SYNM: variants seen among roughly 807,000 people sequenced by gnomAD.
SYNM encodes synemin.
In SYNM, 95 loss-of-function variants were observed where a neutral mutation model predicts 104.0. That is an observed-to-expected ratio of 0.91 (90% CI 0.77 to 1.08). SYNM has a LOEUF of 1.08. Among genes scored for constraint, SYNM ranks in the 50% least tolerant of loss-of-function variants. SYNM has a pLI of 0.00. For missense variants in SYNM, 2,150 were observed against 2,052.2 expected (o/e 1.05, Z -0.92); for synonymous variants, 918 against 869.0 (o/e 1.06, Z -0.99).
At chr15:99,106,772 C>T (rs1269520076) in intron 1 of SYNM, among the ~76,000 whole-genome samples, 1 of 152,222 alleles carries the variant, frequency 6.6e-6, no homozygotes, top group Non-Finnish European at 1.5e-5. Context: ...GTAAACTATG[C>T]CCAGTCCAGC....
chr15:99,134,543 TCG>T lies in SYNM; in HGVS notation c.*1487_*1488del, dbSNP rs2067545769. 1 of 152,186 alleles carries T rather than the reference TCG, an allele frequency of 6.6e-6. No individual in the cohort carries two copies. Among genetic ancestry groups the T allele is most frequent in the African/African-American group, 2.4e-5 (1 of 41,434 alleles). 9.4% of individuals were successfully genotyped at this position (152,186 alleles called of 1,614,324 possible). A position where few individuals can be genotyped will look rare whatever the true frequency, so the allele number is the denominator to read the frequency against. ...CTGTATTTCCAGTAACACAGCATCA[TCG>T]CACTGACTGTGGCGCACTGGGGAAT... On this transcript the variant is annotated 3_prime_UTR_variant, in exon 4 of 4. Coordinates refer to ENST00000336292, the MANE Select transcript of SYNM (RefSeq NM_145728.3).
At chr15:99,138,180 C>T (rs139435138), downstream of SYNM, 258 of 1,598,790 alleles carry the variant, frequency 1.6e-4, no homozygotes, top group African/African-American at 2.5e-3. Flanking sequence ...CCCCCCACAC[C>T]GTTCCCATCC....
At chr15:99,119,797 T>G (rs115197683) in intron 2 of SYNM, among the ~76,000 whole-genome samples, 20 of 152,378 alleles carry the variant, frequency 1.3e-4, no homozygotes, top group African/African-American at 3.8e-4. Context: ...CATTTTGTTA[T>G]GAGAATTTCC....
At chr15:99,122,862 T>C (rs1356947778) in intron 2 of SYNM, among the ~76,000 whole-genome samples, 1 of 152,076 alleles carries the variant, frequency 6.6e-6, no homozygotes, top group Non-Finnish European at 1.5e-5. Context: ...AAATAGAATA[T>C]ATAATTGAAA....
At chr15:99,115,754 G>A (rs952029256) in intron 2 of SYNM, among the ~76,000 whole-genome samples, 5 of 152,158 alleles carry the variant, frequency 3.3e-5, no homozygotes, top group African/African-American at 4.8e-5. Context: ...GAGCCACTGC[G>A]CCCGGCCCTG....
At chr15:99,138,376 C>T (rs1410582227), downstream of SYNM, among the ~76,000 whole-genome samples, 2 of 151,934 alleles carry the variant, frequency 1.3e-5, no homozygotes, top group African/African-American at 4.8e-5. Flanking sequence ...TGCAGTGGCC[C>T]CATCTCGGCT....
chr15:99,116,791 C>T (rs1187384941), intron 2 of SYNM, among the ~76,000 whole-genome samples: 1 of 143,858 alleles, frequency 7.0e-6, no homozygotes, highest in South Asian at 2.4e-4. Context: ...ATTCTCCTGC[C>T]TCAGCCTCCC....
At chr15:99,122,697 G>C (rs1257230363) in intron 2 of SYNM, among the ~76,000 whole-genome samples, 2 of 152,134 alleles carry the variant, frequency 1.3e-5, no homozygotes, top group African/African-American at 4.8e-5. Context: ...CAACTATTTG[G>C]GTGTGGTGGC....
At chr15:99,140,818 C>G in the SYNM span, 3 of 152,144 alleles carry the variant, frequency 2.0e-5, no homozygotes, top group African/African-American at 7.2e-5. Flanking sequence ...ACAAGCCACG[C>G]TGAGGAAAGA....
chr15:99,129,610 AAGCCGTC>A lies in SYNM; in HGVS notation c.1254_1260del (p.Ser420LysfsTer14). 6.2e-7 allele frequency: 1 copy of A among 1,613,934 alleles called. No homozygotes were observed. The highest frequency in any genetic ancestry group is 8.5e-7 in the Non-Finnish European group (1 of 1,179,884). On this transcript the variant is annotated frameshift_variant, in exon 4 of 4. Transcript: ENST00000336292. LOFTEE classifies it low-confidence loss of function (END_TRUNC). ...ACCCAGCAGGAAAACTCATACGGAA[AAGCCGTC>A]AGCAGTCAAACCAACGTCAGAACTT... is the stretch of plus-strand genomic sequence containing the variant.
Position 99,132,213 on chromosome 15 carries a change from G to A in SYNM, c.3853G>A (p.Asp1285Asn). 6.2e-7 allele frequency: 1 copy of A among 1,612,930 alleles called. No homozygotes were observed. Reference protein sequence around the residue: ...GQIQFTAPLSDKVELGVIGDS... With the variant: ...GQIQFTAPLSNKVELGVIGDS... ...AATCCAGTTCACAGCTCCACTTTCA[G>A]ACAAGGTGGAGTTGGGTGTCATAGG... Residue 1285 changes from aspartate (D) to asparagine (N), a missense_variant, in exon 4 of 4, where the codon GAC (aspartate) becomes AAC (asparagine). Asp to Asn is a conservative substitution (Grantham distance 23). Coordinates refer to ENST00000336292, the MANE Select transcript of SYNM (RefSeq NM_145728.3).
rs1555486305 is a variant in SYNM, at chr15:99,133,188, C to G, written c.*130C>G. On this transcript the variant is annotated 3_prime_UTR_variant, in exon 4 of 4. Transcript: ENST00000336292. ...TTTTTTACTTTTTTAAAGAGTACTC[C>G]CGGCATGGTCAATTTCCTTTATAGT... is the stretch of plus-strand genomic sequence containing the variant. 6.8e-7 allele frequency: 1 copy of G among 1,463,064 alleles called. No homozygotes were observed. Among genetic ancestry groups the G allele is most frequent in the Non-Finnish European group, 9.0e-7 (1 of 1,113,316 alleles). The allele number at this position is 1,463,064 out of a possible 1,614,324, so 90.6% of individuals were successfully genotyped here.
intron 3 of SYNM, among the ~76,000 whole-genome samples, chr15:99,128,299 G>A (rs1555485260): frequency 2.0e-5 from 3 of 152,152 alleles, no homozygotes; most frequent in South Asian, 2.1e-4. Flanking sequence ...CCCGCTAGCC[G>A]GTGGACCTAA....
At chr15:99,109,685 G>A (rs1352987032) in intron 1 of SYNM, among the ~76,000 whole-genome samples, 4 of 152,192 alleles carry the variant, frequency 2.6e-5, no homozygotes, top group Admixed American at 1.3e-4. Flanking sequence ...GCTAACAGCC[G>A]TTGAGCATTT....
At position 99,106,181 on chromosome 15, in the gene SYNM, TC is replaced by T. The variant is rs201881187; in HGVS notation, c.810+174del. On this transcript the variant is annotated intron_variant, in intron 1 of 3. Coordinates refer to ENST00000336292, the MANE Select transcript of SYNM (RefSeq NM_145728.3). ...TGGGGACCCGGACTCGGTCCGCTGGTCCATCGACTCAGCGGGCGAGCGCGGG... is the reference window on the plus strand; with the variant it reads ...TGGGGACCCGGACTCGGTCCGCTGGTCATCGACTCAGCGGGCGAGCGCGGG... Among the ~76,000 whole-genome samples the T allele has an allele frequency of 5.7e-3, 873 of 152,290 alleles. 7 individuals carry two copies. Among genetic ancestry groups the T allele is most frequent in the African/African-American group, 0.019 (798 of 41,574 alleles).
intron 3 of SYNM, 80 bp downstream of exon 3, chr15:99,126,872 T>C (rs1315138127): frequency 7.6e-7 from 1 of 1,308,638 alleles, no homozygotes; most frequent in Non-Finnish European, 1.0e-6. Flanking sequence ...AGCACCATCA[T>C]CGGGAAGAAC....
chr15:99,139,660 AT>A, downstream of SYNM: 1 of 1,432,592 alleles, frequency 7.0e-7, no homozygotes, highest in Non-Finnish European at 9.3e-7. Context: ...TAAAAGTAGT[AT>A]TTTTAAAAAT....
At chr15:99,118,208 A>C (rs114565778) in intron 2 of SYNM, among the ~76,000 whole-genome samples, 8 of 152,208 alleles carry the variant, frequency 5.3e-5, no homozygotes, top group Non-Finnish European at 1.2e-4. Flanking sequence ...CCAAAAACTT[A>C]CCATTTTTGA....
At chr15:99,119,151 T>TG (rs1390328960) in intron 2 of SYNM, among the ~76,000 whole-genome samples, 1 of 152,160 alleles carries the variant, frequency 6.6e-6, no homozygotes, top group Non-Finnish European at 1.5e-5. Context: ...GGACTGCACC[T>TG]GCGAATCTCC....
Sources: gnomAD v4.1 joint callset for allele counts (sites outside exome capture counted in the v4.1 genomes callset) on GRCh38, gnomAD v4.1.1 for gene constraint, MANE v1.5 for transcripts, NCBI Gene and HGNC (gene_info 2026-07-23, HGNC 2026-07-21) for gene names.